CAMK2G: variants seen among roughly 807,000 people sequenced by gnomAD.
CAMK2G encodes the protein calcium/calmodulin dependent protein kinase II gamma, also known as calcium/calmodulin-dependent protein kinase type II subunit gamma.
In CAMK2G, 23 loss-of-function variants were observed where a neutral mutation model predicts 88.7. The ratio of observed to expected loss-of-function variants is 0.26; its 90% confidence interval spans 0.19 to 0.37. CAMK2G has a LOEUF of 0.37. CAMK2G is among the 10% of genes least tolerant of loss of function. CAMK2G has a pLI of 1.00. For missense variants in CAMK2G, 476 were observed against 780.8 expected, an observed-to-expected ratio of 0.61 and a Z score of 4.65; for synonymous variants, 263 against 294.8, an observed-to-expected ratio of 0.89 and a Z score of 1.11.
chr10:73,860,297 C>T (rs2095314147), intron 3 of CAMK2G, among the ~76,000 whole-genome samples: 1 of 152,200 alleles, frequency 6.6e-6, no homozygotes, highest in South Asian at 2.1e-4. Flanking sequence ...TCTCCTTCCC[C>T]ATCTGAGTGG....
intron 21 of CAMK2G, chr10:73,815,901 A>G (rs1033381018): frequency 4.1e-6 from 4 of 985,360 alleles, no homozygotes; most frequent in Non-Finnish European, 4.8e-6. Flanking sequence ...ATTGAGATTC[A>G]CATTTTAGTT....
intron 14 of CAMK2G, among the ~76,000 whole-genome samples, chr10:73,830,645 G>A (rs999822230): frequency 1.3e-5 from 2 of 152,080 alleles, no homozygotes; most frequent in Non-Finnish European, 2.9e-5. Context: ...TTCTGGCCTG[G>A]GACTAGCAGA....
At chr10:73,859,672 T>C (rs2095277587) in intron 3 of CAMK2G, among the ~76,000 whole-genome samples, 1 of 152,224 alleles carries the variant, frequency 6.6e-6, no homozygotes, top group Non-Finnish European at 1.5e-5. Context: ...CGATCACCAC[T>C]GGCCACACCA....
At chr10:73,836,060 CT>C (rs1204226614) in intron 14 of CAMK2G, among the ~76,000 whole-genome samples, 1 of 152,176 alleles carries the variant, frequency 6.6e-6, no homozygotes, top group African/African-American at 2.4e-5. Flanking sequence ...TCTTGAATTC[CT>C]GACCCCAGGT....
chr10:73,861,161 G>C (rs2095354203), intron 2 of CAMK2G, among the ~76,000 whole-genome samples: 1 of 152,134 alleles, frequency 6.6e-6, no homozygotes, highest in African/African-American at 2.4e-5. Flanking sequence ...TGAATAGCTG[G>C]AACTATAGGC....
At chr10:73,866,244 C>A (rs2095587069) in intron 2 of CAMK2G, among the ~76,000 whole-genome samples, 1 of 152,240 alleles carries the variant, frequency 6.6e-6, no homozygotes, top group African/African-American at 2.4e-5. Flanking sequence ...ACCAGATGCA[C>A]CAGGGGAGGC....
At chr10:73,861,545 G>A (rs2095373612) in intron 2 of CAMK2G, among the ~76,000 whole-genome samples, 2 of 152,166 alleles carry the variant, frequency 1.3e-5, no homozygotes, top group Middle Eastern at 3.4e-3. Flanking sequence ...TAGTAGAGAC[G>A]GGGTTTCACC....
In CAMK2G at chr10:73,839,062, A is replaced by T. The variant is rs1053154139; in HGVS notation, c.1009+477T>A. ...GCAGGGCTAGGATGTGAACCCAGAA[A>T]CAGCTGGCTCTGAGGCTTCTGCACT... On this transcript the variant is annotated intron_variant, in intron 13 of 22. Transcript: ENST00000423381. This position sits in a 1 kb window ranked among gnomAD's most constrained non-coding sequence, Gnocchi z 4.2. Among the ~76,000 whole-genome samples, 1 of 152,172 alleles carries T rather than the reference A, an allele frequency of 6.6e-6. No individual in the cohort carries two copies. The highest frequency in any genetic ancestry group is 2.4e-5 in the African/African-American group (1 of 41,444).
At chr10:73,840,192 CGA>C (rs10577271) in intron 12 of CAMK2G, among the ~76,000 whole-genome samples, 51,127 of 151,868 alleles carry the variant, frequency 0.34, 9,664 homozygotes, top group East Asian at 0.63. Flanking sequence ...GGGAGGTAGC[CGA>C]GAGAGGCAGC....
At position 73,817,468 on chromosome 10, in the gene CAMK2G, T is replaced by A. The variant is rs1426412203; in HGVS notation, c.1439+11A>T. On this transcript the variant is annotated intron_variant, in intron 20 of 22. Coordinates refer to ENST00000423381, the MANE Select transcript of CAMK2G (RefSeq NM_001367534.1). ...GACTTAGGTCACAAAAAAAAATGGGTCTCTACTTACGTGTAGGCCTCAAAG... is the reference window on the plus strand; with the variant it reads ...GACTTAGGTCACAAAAAAAAATGGGACTCTACTTACGTGTAGGCCTCAAAG... The A allele has an allele frequency of 6.3e-7, 1 of 1,581,818 alleles. No homozygotes were observed. Among genetic ancestry groups the A allele is most frequent in the Non-Finnish European group, 8.7e-7 (1 of 1,150,708 alleles).
intron 14 of CAMK2G, among the ~76,000 whole-genome samples, chr10:73,836,855 C>T (rs958239940): frequency 6.6e-6 from 1 of 152,184 alleles, no homozygotes; most frequent in Non-Finnish European, 1.5e-5. Flanking sequence ...CCTGGTGGGT[C>T]CCAGGTCCCT....
intron 20 of CAMK2G, 143 bp from the exon 21 acceptor site, chr10:73,817,260 G>T: frequency 8.3e-7 from 1 of 1,210,172 alleles, no homozygotes; most frequent in Non-Finnish European, 1.1e-6. Context: ...AGGCCTGCCT[G>T]CTGAGCCACT....
intron 10 of CAMK2G, among the ~76,000 whole-genome samples, chr10:73,845,506 C>T (rs1030887836): frequency 2.0e-5 from 3 of 150,532 alleles, no homozygotes; most frequent in African/African-American, 4.9e-5. Context: ...GGCATGAACC[C>T]GGGAGGCAGA....
intron 5 of CAMK2G, 125 bp downstream of exon 5, chr10:73,852,129 A>C: frequency 4.2e-6 from 3 of 720,764 alleles, no homozygotes; most frequent in Non-Finnish European, 7.5e-6. Flanking sequence ...TCTCCAGACA[A>C]GAGCTATTCT....
At chr10:73,831,720 C>T (rs897566740) in intron 14 of CAMK2G, among the ~76,000 whole-genome samples, 3 of 146,202 alleles carry the variant, frequency 2.1e-5, no homozygotes, top group Admixed American at 6.9e-5. Flanking sequence ...ATCAGCCGGG[C>T]GTGGTGGCAC....
intron 3 of CAMK2G, among the ~76,000 whole-genome samples, chr10:73,854,359 C>T (rs2094869454): frequency 6.6e-6 from 1 of 152,082 alleles, no homozygotes; most frequent in Non-Finnish European, 1.5e-5. Flanking sequence ...GAGGTCTCCT[C>T]TTCAAGTTTC....
At chr10:73,820,660 CTAAT>C (rs2088072725) in intron 18 of CAMK2G, among the ~76,000 whole-genome samples, 1 of 98,046 alleles carries the variant, frequency 1.0e-5, no homozygotes, top group Non-Finnish European at 2.0e-5. Context: ...CCACACCCGG[CTAAT>C]TTTTTTTTTT....
At chr10:73,817,591 G>A (rs777932708) in intron 19 of CAMK2G, 37 bp from the exon 20 acceptor site, 66 of 1,438,842 alleles carry the variant, frequency 4.6e-5, no homozygotes, top group Non-Finnish European at 5.6e-5. Flanking sequence ...TACCTACTGG[G>A]GAACCTCCCA....
At chr10:73,871,620 T>C (rs2095833653) in intron 2 of CAMK2G, among the ~76,000 whole-genome samples, 1 of 151,376 alleles carries the variant, frequency 6.6e-6, no homozygotes, top group African/African-American at 2.4e-5. Context: ...GCCCCTGTTG[T>C]CCCCCCCACC....
Sources: gnomAD v4.1 joint callset for allele counts (sites outside exome capture counted in the v4.1 genomes callset) on GRCh38, gnomAD v4.1.1 for gene constraint, Gnocchi (gnomAD v3.1) non-coding constraint, MANE v1.5 for transcripts, NCBI Gene and HGNC (gene_info 2026-07-23, HGNC 2026-07-21) for gene names.